DTNA: variants seen among roughly 807,000 people sequenced by gnomAD.
DTNA encodes dystrophin-related protein 3.
DTNA carries 43 observed loss-of-function variants against 100.7 expected under a neutral mutation model. That is an observed-to-expected ratio of 0.43 (90% CI 0.33 to 0.55). The LOEUF (loss-of-function observed/expected upper bound fraction) is 0.55, where lower values mean the gene tolerates loss of function less well. Ranked by LOEUF, DTNA falls within the 20% of genes least tolerant of loss-of-function variation. The pLI, the probability that DTNA is intolerant of heterozygous loss-of-function variation, is 0.04. For synonymous variants in DTNA, 349 were observed against 347.9 expected (o/e 1.00, Z -0.04); for missense variants, 798 against 953.9 (o/e 0.84, Z 2.15).
intron 1 of DTNA, among the ~76,000 whole-genome samples, chr18:34,581,804 A>C (rs2048677664): frequency 6.6e-6 from 1 of 151,642 alleles, no homozygotes; most frequent in African/African-American, 2.4e-5. Context: ...TTGTAATTTT[A>C]ATAGAGACAG....
chr18:34,517,460 CGTGT>C lies in DTNA; in HGVS notation c.-2+23971_-2+23974del, dbSNP rs1199695756. On this transcript the variant is annotated intron_variant, in intron 1 of 19. Coordinates refer to the DTNA transcript ENST00000283365. ...TCAGATTTAATAAGTTTTATATACA[CGTGT>C]GTGTGTGTGTGTGTGTGTGTGTGTA... Among the ~76,000 whole-genome samples, 688 of 148,998 alleles carry C rather than the reference CGTGT, an allele frequency of 4.6e-3. 3 individuals carry two copies. The highest frequency in any genetic ancestry group is 0.016 in the African/African-American group (629 of 40,374).
At chr18:34,750,786 TTCTTATATA>T (rs2092243444) in intron 1 of DTNA, among the ~76,000 whole-genome samples, 1 of 152,224 alleles carries the variant, frequency 6.6e-6, no homozygotes, top group Non-Finnish European at 1.5e-5. Flanking sequence ...CCTTTAAAAT[TTCTTATATA>T]TCATGCGTAA....
chr18:34,642,847 G>A (rs138137130), intron 1 of DTNA, among the ~76,000 whole-genome samples: 169 of 152,168 alleles, frequency 1.1e-3, no homozygotes, highest in African/African-American at 3.8e-3. Context: ...GTGAGCCACC[G>A]CACCTGGCCC....
chr18:34,795,938 A>G (rs2094950381), intron 4 of DTNA, among the ~76,000 whole-genome samples: 1 of 152,230 alleles, frequency 6.6e-6, no homozygotes, highest in South Asian at 2.1e-4. Flanking sequence ...TGCTGAAAAT[A>G]TAGCTGAATC....
chr18:34,810,411 G>A (rs1447918392), intron 5 of DTNA, among the ~76,000 whole-genome samples: 1 of 151,772 alleles, frequency 6.6e-6, no homozygotes, highest in African/African-American at 2.4e-5. Flanking sequence ...AGGACATTAT[G>A]TTAAGTAAAA....
intron 1 of DTNA, among the ~76,000 whole-genome samples, chr18:34,749,786 T>C (rs60011023): frequency 0.033 from 4,997 of 152,214 alleles, 286 homozygotes; most frequent in African/African-American, 0.11. Context: ...TGTACTGTCA[T>C]GGGCTCATCT....
At chr18:34,772,004 A>G (rs2093799610) in intron 3 of DTNA, among the ~76,000 whole-genome samples, 1 of 151,874 alleles carries the variant, frequency 6.6e-6, no homozygotes, top group Non-Finnish European at 1.5e-5. Context: ...ATGCAGCCCT[A>G]AAATCATGAA....
At chr18:34,779,286 T>G (rs2094208280) in intron 3 of DTNA, among the ~76,000 whole-genome samples, 1 of 152,178 alleles carries the variant, frequency 6.6e-6, no homozygotes, top group African/African-American at 2.4e-5. Flanking sequence ...TTGACCCATA[T>G]TCATGTGCAG....
rs148953261 is a variant in DTNA at position 34,727,333 on chromosome 18, C to T, written c.-2+16888C>T. ...TTTAATTTCCTTAAAATACTTATGA[C>T]CATTGACTAGTAATTTTACTTTTAG... On this transcript the variant is annotated intron_variant, in intron 1 of 22. Coordinates refer to ENST00000444659, the MANE Select transcript of DTNA (RefSeq NM_001386795.1). 4.4e-3 allele frequency among the ~76,000 whole-genome samples: 667 copies of T among 152,170 alleles called. 5 individuals carry two copies. Among genetic ancestry groups the T allele is most frequent in the Non-Finnish European group, 5.9e-3 (402 of 68,022 alleles).
At chr18:34,591,457 G>T (rs1003737811) in intron 1 of DTNA, among the ~76,000 whole-genome samples, 1 of 152,166 alleles carries the variant, frequency 6.6e-6, no homozygotes, top group Admixed American at 6.5e-5. Flanking sequence ...TTATGTGCTA[G>T]TGCTCACTCT....
At chr18:34,872,860 G>C (rs2096778799) in intron 17 of DTNA, among the ~76,000 whole-genome samples, 2 of 152,208 alleles carry the variant, frequency 1.3e-5, no homozygotes, top group Non-Finnish European at 2.9e-5. Flanking sequence ...ATGATGGCTG[G>C]TCACAGTGCC....
Position 34,856,252 on chromosome 18 carries a change from A to G in DTNA, c.1533-2033A>G, listed in dbSNP as rs80188841. ...AGCAGCCTGGTTCTCTAGACATCCCAGGGCCAAAAGCTCCTTTAGGTAATA... is the reference window on the plus strand; with the variant it reads ...AGCAGCCTGGTTCTCTAGACATCCCGGGGCCAAAAGCTCCTTTAGGTAATA... On this transcript the variant is annotated intron_variant, in intron 15 of 22. Coordinates refer to ENST00000444659, the MANE Select transcript of DTNA (RefSeq NM_001386795.1). Among the ~76,000 whole-genome samples, 1,416 of 152,276 alleles carry G rather than the reference A, an allele frequency of 9.3e-3. 33 individuals are homozygous for G. Among genetic ancestry groups the G allele is most frequent in the African/African-American group, 0.032 (1,334 of 41,552 alleles).
At chr18:34,861,256 C>T (rs1180892846) in intron 16 of DTNA, among the ~76,000 whole-genome samples, 12 of 151,894 alleles carry the variant, frequency 7.9e-5, no homozygotes, top group Non-Finnish European at 1.3e-4. Context: ...GAGTGCGAGG[C>T]GGGCGGATCA....
intron 1 of DTNA, among the ~76,000 whole-genome samples, chr18:34,523,957 C>CTGGTTGACTTCTGT (rs375791357): frequency 0.017 from 2,519 of 152,220 alleles, 59 homozygotes; most frequent in African/African-American, 0.048. Flanking sequence ...CCAAGGGCTG[C>CTGGTTGACTTCTGT]TGGTTGACTT....
chr18:34,557,809 C>G (rs2046237722), intron 1 of DTNA, among the ~76,000 whole-genome samples: 1 of 152,192 alleles, frequency 6.6e-6, no homozygotes, highest in South Asian at 2.1e-4. Context: ...GCAGAGGTTA[C>G]TGCTGCCTTT....
At chr18:34,626,462 T>A (rs539398181) in intron 1 of DTNA, among the ~76,000 whole-genome samples, 148 of 150,044 alleles carry the variant, frequency 9.9e-4, no homozygotes, top group Non-Finnish European at 1.8e-3. Context: ...AAAAAAAAAA[T>A]GAAATTTCCT....
intron 1 of DTNA, among the ~76,000 whole-genome samples, chr18:34,628,977 A>C (rs541202252): frequency 6.6e-6 from 1 of 152,164 alleles, no homozygotes; most frequent in Admixed American, 6.6e-5. Context: ...TATTATCTCA[A>C]TCTAACACTG....
At chr18:34,846,521 T>C (rs771262981) in intron 13 of DTNA, among the ~76,000 whole-genome samples, 11 of 152,130 alleles carry the variant, frequency 7.2e-5, no homozygotes, top group Non-Finnish European at 1.6e-4. Flanking sequence ...AATTCAGGAA[T>C]GTTCTAGTTA....
intron 9 of DTNA, among the ~76,000 whole-genome samples, chr18:34,825,812 T>A (rs1000419063): frequency 3.9e-5 from 6 of 152,152 alleles, no homozygotes; most frequent in Admixed American, 2.6e-4. Context: ...GAAAAATTTT[T>A]AAAAAAAGAC....
Sources: gnomAD v4.1 joint callset for allele counts (sites outside exome capture counted in the v4.1 genomes callset) on GRCh38, gnomAD v4.1.1 for gene constraint, MANE v1.5 for transcripts, NCBI Gene and HGNC (gene_info 2026-07-23, HGNC 2026-07-21) for gene names.